AACS: variants seen among roughly 807,000 people sequenced by gnomAD.
AACS encodes acetoacetate-CoA ligase.
In AACS, 69 loss-of-function variants were observed where a neutral mutation model predicts 83.1. The observed-to-expected ratio is 0.83, with a 90% confidence interval of 0.68 to 1.01. The LOEUF (loss-of-function observed/expected upper bound fraction) is 1.01, where lower values mean the gene tolerates loss of function less well. Among genes scored for constraint, AACS ranks in the 50% least tolerant of loss-of-function variants. The pLI is 0.00. For synonymous variants in AACS, 333 were observed against 343.4 expected (o/e 0.97, Z 0.33); for missense variants, 866 against 882.2 (o/e 0.98, Z 0.23).
intron 3 of AACS, among the ~76,000 whole-genome samples, chr12:125,084,784 G>C (rs1369323171): frequency 6.6e-6 from 1 of 152,050 alleles, no homozygotes; most frequent in Non-Finnish European, 1.5e-5. Context: ...GGTTTTACCA[G>C]TTGTCCAGGC....
chr12:125,141,320 C>G (rs2136147974), intron 17 of AACS: 1 of 152,848 alleles, frequency 6.5e-6, no homozygotes, highest in Middle Eastern at 3.4e-3. Flanking sequence ...GGAGGGCCCT[C>G]TCGAGGCCAG....
rs969712444 is a variant in AACS at position 125,118,478 on chromosome 12, T to G, written c.997-163T>G. 5.9e-5 allele frequency: 47 copies of G among 798,016 alleles called. No homozygotes were observed. The African/African-American group carries it at 8.0e-4, about 14-fold the overall frequency. The allele number at this position is 798,016 out of a possible 1,614,324, so 49.4% of individuals were successfully genotyped here. ...TATGTCTGTGTGATCCATTCTTAGATGTGGAGTTGCCGGGCCAGAGTGTCC... is the reference window on the plus strand; with the variant it reads ...TATGTCTGTGTGATCCATTCTTAGAGGTGGAGTTGCCGGGCCAGAGTGTCC... On this transcript the variant is annotated intron_variant, in intron 9 of 17. Coordinates refer to ENST00000316519, the MANE Select transcript of AACS (RefSeq NM_023928.5).
chr12:125,083,230 C>T (rs756220756), intron 3 of AACS, among the ~76,000 whole-genome samples: 8 of 152,204 alleles, frequency 5.3e-5, no homozygotes, highest in Admixed American at 1.3e-4. Flanking sequence ...GGTGGGAGGC[C>T]TCGTTCCTCC....
At chr12:125,088,535 A>C (rs1467172614) in intron 4 of AACS, among the ~76,000 whole-genome samples, 2 of 152,298 alleles carry the variant, frequency 1.3e-5, no homozygotes, top group East Asian at 3.9e-4. Flanking sequence ...GTCTAGTCAC[A>C]AAGCAGGCAT....
chr12:125,125,031 C>G lies in AACS; in HGVS notation c.1309+7C>G. ...CTCCTGGGCTCCATCTCAGGTATGGCCCCGGTGGGGACAGTCCTTCCAGCC... is the reference window on the plus strand; with the variant it reads ...CTCCTGGGCTCCATCTCAGGTATGGGCCCGGTGGGGACAGTCCTTCCAGCC... On this transcript the variant is annotated splice_region_variant and intron_variant, in intron 12 of 17. Transcript: ENST00000316519. 1 of 1,614,078 alleles carries G rather than the reference C, an allele frequency of 6.2e-7. No individual in the cohort carries two copies. The highest frequency in any genetic ancestry group is 8.5e-7 in the Non-Finnish European group (1 of 1,179,998).
intron 17 of AACS, among the ~76,000 whole-genome samples, chr12:125,137,834 A>G (rs936993288): frequency 6.6e-6 from 1 of 152,000 alleles, no homozygotes; most frequent in Non-Finnish European, 1.5e-5. Context: ...CGTTAAGGAG[A>G]AGATGGGAGC....
intron 1 of AACS, among the ~76,000 whole-genome samples, chr12:125,070,817 G>A (rs536471592): frequency 6.6e-6 from 1 of 152,320 alleles, no homozygotes; most frequent in Admixed American, 6.5e-5. Context: ...GTAGCTGTAG[G>A]CAGTGGAGCT....
At chr12:125,074,975 GTT>G (rs34831405) in intron 2 of AACS, among the ~76,000 whole-genome samples, 5 of 113,520 alleles carry the variant, frequency 4.4e-5, no homozygotes, top group Admixed American at 9.6e-5. Context: ...CATTGTCATA[GTT>G]TTTTTTTTTT....
Position 125,114,470 on chromosome 12 carries a change from C to G in AACS, c.916-7C>G. 1 of 1,612,438 alleles carries G rather than the reference C, an allele frequency of 6.2e-7. No homozygotes were observed. Among genetic ancestry groups the G allele is most frequent in the African/African-American group, 1.3e-5 (1 of 75,006 alleles). On this transcript the variant is annotated splice_region_variant and splice_polypyrimidine_tract_variant and intron_variant, in intron 8 of 17. Transcript: ENST00000316519. Reference sequence around the variant, plus strand: ...AGAGCACCCGCTCCCCCGTGTCTCCCCTGCAGGGCACCCTCATCCAGCATC... The same window carrying G: ...AGAGCACCCGCTCCCCCGTGTCTCCGCTGCAGGGCACCCTCATCCAGCATC...
At chr12:125,087,157 C>G (rs151031468) in intron 4 of AACS, among the ~76,000 whole-genome samples, 107 of 152,288 alleles carry the variant, frequency 7.0e-4, no homozygotes, top group African/African-American at 2.5e-3. Flanking sequence ...CGTTCTGACG[C>G]CCTTCCCGCC....
chr12:125,134,495 G>C (rs1250242449), intron 15 of AACS, among the ~76,000 whole-genome samples: 1 of 152,314 alleles, frequency 6.6e-6, no homozygotes, highest in African/African-American at 2.4e-5. Flanking sequence ...CGGGTAGGGA[G>C]TGTCAGGATG....
At chr12:125,115,914 A>G (rs963355935) in intron 9 of AACS, among the ~76,000 whole-genome samples, 1 of 152,184 alleles carries the variant, frequency 6.6e-6, no homozygotes, top group Non-Finnish European at 1.5e-5. Context: ...TGCAGGGGAC[A>G]GACCCCTGGG....
chr12:125,083,895 T>C (rs1956262803), intron 3 of AACS, among the ~76,000 whole-genome samples: 1 of 151,932 alleles, frequency 6.6e-6, no homozygotes, highest in Non-Finnish European at 1.5e-5. Flanking sequence ...CTCAGGTGAT[T>C]CACCTGCCTC....
chr12:125,137,427 C>T (rs1957416649), intron 17 of AACS, among the ~76,000 whole-genome samples: 1 of 152,214 alleles, frequency 6.6e-6, no homozygotes, highest in Admixed American at 6.5e-5. Context: ...AGTGATCCGC[C>T]CACCTCAGCC....
rs78942577 is a variant in AACS at position 125,087,155 on chromosome 12, C to T, written c.472+712C>T. Among the ~76,000 whole-genome samples, 9 of 152,250 alleles carry T rather than the reference C, an allele frequency of 5.9e-5. No homozygotes were observed. The East Asian group carries it at 7.8e-4, about 13-fold the overall frequency. ...TTCCTGAGGTGCTGGTCCGTTCTGA[C>T]GCCCTTCCCGCCTTGAGCCATAAAG... On this transcript the variant is annotated intron_variant, in intron 4 of 17. Coordinates refer to ENST00000316519, the MANE Select transcript of AACS (RefSeq NM_023928.5).
chr12:125,088,380 G>A lies in AACS; in HGVS notation c.472+1937G>A, dbSNP rs555010807. ...CCTGAGTAGCTGGGACTACAGGCAC[G>A]TGCCACCATGCCTGGCTAATTTTTG... is the stretch of plus-strand genomic sequence containing the variant. On this transcript the variant is annotated intron_variant, in intron 4 of 17. Coordinates refer to ENST00000316519, the MANE Select transcript of AACS (RefSeq NM_023928.5). Among the ~76,000 whole-genome samples, 8 of 151,952 alleles carry A rather than the reference G, an allele frequency of 5.3e-5. No individual in the cohort carries two copies. The East Asian group carries it at 9.7e-4, about 18-fold the overall frequency.
intron 3 of AACS, among the ~76,000 whole-genome samples, chr12:125,080,333 A>C (rs1194620278): frequency 6.6e-6 from 1 of 152,198 alleles, no homozygotes; most frequent in Non-Finnish European, 1.5e-5. Flanking sequence ...CTTAAAAAAA[A>C]CCCAAAAACC....
At chr12:125,082,042 A>G (rs1014774076) in intron 3 of AACS, among the ~76,000 whole-genome samples, 6 of 150,718 alleles carry the variant, frequency 4.0e-5, no homozygotes, top group African/African-American at 1.5e-4. Context: ...TGCCCAGCTA[A>G]TTTTTGTATT....
chr12:125,118,817 G>C (rs113075195), intron 10 of AACS, 52 bp downstream of exon 10: 1 of 1,602,650 alleles, frequency 6.2e-7, no homozygotes, highest in Non-Finnish European at 8.5e-7. Context: ...CACCAGGAAG[G>C]CTCCTTGGGA....
Sources: gnomAD v4.1 joint callset for allele counts (sites outside exome capture counted in the v4.1 genomes callset) on GRCh38, gnomAD v4.1.1 for gene constraint, MANE v1.5 for transcripts, NCBI Gene and HGNC (gene_info 2026-07-23, HGNC 2026-07-21) for gene names.